NME9: variants seen among roughly 807,000 people sequenced by gnomAD.
NME9 encodes the protein thioredoxin domain-containing protein 6.
Under a neutral mutation model 44.4 loss-of-function variants are expected in NME9, and 48 were observed. The observed-to-expected ratio is 1.08, with a 90% confidence interval of 0.86 to 1.37. NME9 has a LOEUF of 1.37. NME9 is among the 40% of genes most tolerant of loss of function. The pLI, the probability that NME9 is intolerant of heterozygous loss-of-function variation, is 0.00. For missense variants in NME9, 325 were observed against 405.2 expected (o/e 0.80, Z 1.70); for synonymous variants, 139 against 147.1 (o/e 0.94, Z 0.40).
chr3:138,309,468 C>T (rs193098825), intron 6 of NME9, among the ~76,000 whole-genome samples: 46 of 151,828 alleles, frequency 3.0e-4, no homozygotes, highest in East Asian at 2.7e-3. Flanking sequence ...GTGGATCACT[C>T]GAGGCTAGGA....
At chr3:138,283,717 A>G (rs1489005641) in intron 8 of NME9, among the ~76,000 whole-genome samples, 1 of 152,188 alleles carries the variant, frequency 6.6e-6, no homozygotes, top group Admixed American at 6.5e-5. Context: ...GCTGACAAGA[A>G]CAGTTTTTCC....
chr3:138,315,402 T>C (rs1389347955), intron 5 of NME9, 125 bp downstream of exon 5: 1 of 654,678 alleles, frequency 1.5e-6, no homozygotes, highest in African/African-American at 1.8e-5. Context: ...CAGACCCAGG[T>C]GAAACTTTTA....
chr3:138,309,401 T>C (rs746834668), intron 6 of NME9, among the ~76,000 whole-genome samples: 3 of 152,228 alleles, frequency 2.0e-5, no homozygotes, highest in Admixed American at 6.5e-5. Flanking sequence ...AAACCCACTG[T>C]TGGCTGGGCA....
chr3:138,281,713 C>T (rs1003913470), intron 8 of NME9, among the ~76,000 whole-genome samples: 1 of 152,140 alleles, frequency 6.6e-6, no homozygotes, highest in African/African-American at 2.4e-5. Context: ...GATGCATGGG[C>T]GTATTCTAAC....
chr3:138,319,906 T>G (rs2053359009), intron 2 of NME9, among the ~76,000 whole-genome samples: 1 of 152,186 alleles, frequency 6.6e-6, no homozygotes. Flanking sequence ...CTCAATTATA[T>G]TGGAATTAGA....
chr3:138,265,932 C>T (rs952406542), intron 8 of NME9, among the ~76,000 whole-genome samples: 1 of 152,156 alleles, frequency 6.6e-6, no homozygotes, highest in Non-Finnish European at 1.5e-5. Flanking sequence ...AACCCTGGAG[C>T]TACTTCAGTG....
At chr3:138,326,319 C>T (rs2053784075) in intron 1 of NME9, among the ~76,000 whole-genome samples, 1 of 130,996 alleles carries the variant, frequency 7.6e-6, no homozygotes, top group South Asian at 2.1e-4. Flanking sequence ...TTAACATGGT[C>T]TGTCAGGTCT....
At chr3:138,273,418 T>A (rs1352028425) in intron 8 of NME9, among the ~76,000 whole-genome samples, 1 of 152,204 alleles carries the variant, frequency 6.6e-6, no homozygotes, top group Non-Finnish European at 1.5e-5. Context: ...TCTTACCTGG[T>A]ATGCTGTCCA....
chr3:138,272,932 A>G, intron 8 of NME9: 3 of 1,451,994 alleles, frequency 2.1e-6, no homozygotes, highest in Non-Finnish European at 9.1e-7. Context: ...AAGTAAATGT[A>G]GACATGATTC....
Position 138,301,261 on chromosome 3 carries a change from G to C in NME9, c.*379C>G. 1 of 458,724 alleles carries C rather than the reference G, an allele frequency of 2.2e-6. No homozygotes were observed. The highest frequency in any genetic ancestry group is 2.9e-6 in the Non-Finnish European group (1 of 341,486). 28.4% of individuals were successfully genotyped at this position (458,724 alleles called of 1,614,324 possible). A position where few individuals can be genotyped will look rare whatever the true frequency, so the allele number is the denominator to read the frequency against. On this transcript the variant is annotated 3_prime_UTR_variant, in exon 11 of 11. Coordinates refer to ENST00000333911, the MANE Select transcript of NME9 (RefSeq NM_001349018.2). ...ACTCTGTCACCCAGGCTGGAGTGCAGTGGCATGATCTCGGCTTACTGCAAC... is the reference window on the plus strand; with the variant it reads ...ACTCTGTCACCCAGGCTGGAGTGCACTGGCATGATCTCGGCTTACTGCAAC...
intron 2 of NME9, chr3:138,324,367 G>A (rs193212653): frequency 3.9e-5 from 17 of 433,812 alleles, no homozygotes; most frequent in Admixed American, 2.4e-4. Context: ...ACAGAAACTG[G>A]GATAATCAAT....
At chr3:138,327,550 T>C (rs1171959841) in intron 1 of NME9, among the ~76,000 whole-genome samples, 1 of 152,120 alleles carries the variant, frequency 6.6e-6, no homozygotes, top group African/African-American at 2.4e-5. Flanking sequence ...AGGGAATGAA[T>C]AGGGAATGTG....
intron 8 of NME9, chr3:138,272,907 AAATATAATTT>A (rs1262771727): frequency 1.5e-6 from 2 of 1,311,322 alleles, no homozygotes; most frequent in African/African-American, 3.0e-5. Flanking sequence ...GTTACTATTA[AAATATAATTT>A]AATAAAGTAA....
chr3:138,305,676 A>G (rs889725038), intron 8 of NME9, among the ~76,000 whole-genome samples: 2 of 152,190 alleles, frequency 1.3e-5, no homozygotes, highest in Non-Finnish European at 2.9e-5. Context: ...CTAAAGTGAT[A>G]TGCTCGAGGC....
intron 8 of NME9, chr3:138,262,659 T>A (rs1266378353): frequency 3.5e-6 from 5 of 1,429,148 alleles, no homozygotes; most frequent in Non-Finnish European, 4.6e-6. Flanking sequence ...TTAATTGGTC[T>A]GCTGTATGGC....
chr3:138,295,767 T>C, intron 8 of NME9: 1 of 1,459,294 alleles, frequency 6.9e-7, no homozygotes, highest in Non-Finnish European at 9.5e-7. Flanking sequence ...TTTACTTTTT[T>C]AGACTTCCCC....
At chr3:138,273,139 C>G in intron 8 of NME9, 1 of 1,600,184 alleles carries the variant, frequency 6.2e-7, no homozygotes, top group Non-Finnish European at 8.5e-7. Context: ...ACCCAGGCTT[C>G]CAAATTAGCT....
intron 8 of NME9, among the ~76,000 whole-genome samples, chr3:138,292,191 C>T (rs1433685627): frequency 1.3e-5 from 2 of 152,178 alleles, no homozygotes; most frequent in Non-Finnish European, 2.9e-5. Context: ...GCGCCTGCCA[C>T]CACGCCCAGC....
intron 8 of NME9, chr3:138,287,618 T>G: frequency 2.2e-6 from 1 of 456,690 alleles, no homozygotes; most frequent in Non-Finnish European, 4.4e-6. Flanking sequence ...AGTTTTATTC[T>G]GTTTTGTCTT....
Sources: allele counts gnomAD v4.1 joint callset (sites outside exome capture counted in the v4.1 genomes callset), GRCh38; gene constraint gnomAD v4.1.1; transcripts MANE v1.5; gene names NCBI Gene and HGNC (gene_info 2026-07-23, HGNC 2026-07-21).